EWSR1: variants seen among roughly 807,000 people sequenced by gnomAD.
EWSR1 encodes RNA-binding protein EWS.
A neutral mutation model predicts 92.1 loss-of-function variants in EWSR1; 14 were observed. The ratio of observed to expected loss-of-function variants is 0.15; its 90% CI spans 0.10 to 0.24. EWSR1 has a LOEUF of 0.24. Among genes scored for constraint, EWSR1 ranks in the 10% least tolerant of loss-of-function variants. The pLI is 1.00. For missense variants in EWSR1, 637 were observed against 870.9 expected, an observed-to-expected ratio of 0.73 and a Z score of 3.38; for synonymous variants, 303 against 292.9, an observed-to-expected ratio of 1.03 and a Z score of -0.35.
chr22:29,278,315 G>A (rs1256179276), intron 5 of EWSR1, 99 bp downstream of exon 5: 5 of 1,219,168 alleles, frequency 4.1e-6, no homozygotes, highest in Non-Finnish European at 5.7e-6. Flanking sequence ...CCTTATTAGT[G>A]GTTGCTTTCA....
chr22:29,278,601 G>A (rs1307464769), intron 5 of EWSR1, among the ~76,000 whole-genome samples: 2 of 152,122 alleles, frequency 1.3e-5, no homozygotes, highest in Admixed American at 6.5e-5. Context: ...GAGGCAGGGG[G>A]ATCACAAGGT....
At position 29,300,494 on chromosome 22, in the gene EWSR1, T is replaced by A. The variant is rs551900901; in HGVS notation, c.*333T>A. ...GGTTGTGATGTTTTTTTTTTTTTTTTAAATAAAATTCCAAATGTTTATAAA... is the reference window on the plus strand; with the variant it reads ...GGTTGTGATGTTTTTTTTTTTTTTTAAAATAAAATTCCAAATGTTTATAAA... On this transcript the variant is annotated 3_prime_UTR_variant, in exon 17 of 17. Coordinates refer to ENST00000397938, the MANE Select transcript of EWSR1 (RefSeq NM_005243.4). 1,231 of 236,244 alleles carry A rather than the reference T, an allele frequency of 5.2e-3. 12 individuals carry two copies. The highest frequency in any genetic ancestry group is 0.025 in the African/African-American group (1,110 of 44,354). The allele number at this position is 236,244 out of a possible 1,614,324, so 14.6% of individuals were successfully genotyped here. A position where few individuals can be genotyped will look rare whatever the true frequency, so the allele number is the denominator to read the frequency against.
intron 6 of EWSR1, among the ~76,000 whole-genome samples, chr22:29,283,854 G>C (rs1390508534): frequency 6.7e-6 from 1 of 149,786 alleles, no homozygotes; most frequent in Non-Finnish European, 1.5e-5. Context: ...TTTGTTTTGA[G>C]ATGGAGTTTT....
intron 5 of EWSR1, among the ~76,000 whole-genome samples, chr22:29,281,720 A>G (rs1169731179): frequency 6.6e-6 from 1 of 151,818 alleles, no homozygotes; most frequent in Non-Finnish European, 1.5e-5. Context: ...AGCTGGGACT[A>G]CAGGCGCCCA....
chr22:29,300,347 T>G lies in EWSR1; in HGVS notation c.*186T>G, dbSNP rs1273111384. 23 of 557,222 alleles carry G rather than the reference T, an allele frequency of 4.1e-5. 1 individual carries two copies. The highest frequency in any genetic ancestry group is 7.1e-5 in the Non-Finnish European group (23 of 325,142). 34.5% of individuals were successfully genotyped at this position (557,222 alleles called of 1,614,324 possible). On this transcript the variant is annotated 3_prime_UTR_variant, in exon 17 of 17. Transcript: ENST00000397938. ...ACAAGTTAAATGGTAGTGTGCGGAG[T>G]TTTTTTTTCTTCCTTCTTTTAAAAA... is the stretch of plus-strand genomic sequence containing the variant.
At position 29,282,545 on chromosome 22, in the gene EWSR1, A is replaced by T. The variant is rs139780199; in HGVS notation, c.569A>T (p.Tyr190Phe). The T allele has an allele frequency of 4.8e-4, 729 of 1,517,728 alleles. No individual in the cohort carries two copies. The highest frequency in any genetic ancestry group is 7.3e-4 in the South Asian group (55 of 75,238). 94.0% of individuals were successfully genotyped at this position (1,517,728 alleles called of 1,614,324 possible). ...PMQPVTAPPSYPPTSYSSTQP... is the reference protein window; with the variant it reads ...PMQPVTAPPSFPPTSYSSTQP... Reference sequence around the variant, plus strand: ...CAGCCAGTCACTGCACCTCCATCCTACCCTCCTACCAGGTCAGTCTACTTT... The same window carrying T: ...CAGCCAGTCACTGCACCTCCATCCTTCCCTCCTACCAGGTCAGTCTACTTT... The change falls in exon 6 of 17, where the codon TAC (tyrosine) becomes TTC (phenylalanine). Residue 190 changes from tyrosine to phenylalanine, a missense_variant. Around this residue, in one of 5 missense-constraint regions of EWSR1, gnomAD observed 116 missense variants for 167.8 expected, o/e 0.69. Transcript: ENST00000397938.
rs751539053 is a variant in EWSR1 at position 29,288,587 on chromosome 22, G to A, written c.794-19G>A. Reference sequence around the variant, plus strand: ...TGTAAATGCTGGTCCATGGCTTACAGATGTGACTCTTTCCTCAGGTTCATT... The same window carrying A: ...TGTAAATGCTGGTCCATGGCTTACAAATGTGACTCTTTCCTCAGGTTCATT... On this transcript the variant is annotated intron_variant, in intron 7 of 16. Transcript: ENST00000397938. The A allele has an allele frequency of 6.2e-7, 1 of 1,602,368 alleles. No individual in the cohort carries two copies. Among genetic ancestry groups the A allele is most frequent in the Non-Finnish European group, 8.5e-7 (1 of 1,174,740 alleles).
intron 9 of EWSR1, 65 bp downstream of exon 9, chr22:29,291,664 A>G (rs1272182259): frequency 2.8e-5 from 41 of 1,460,268 alleles, no homozygotes; most frequent in South Asian, 5.0e-5. Context: ...TTAGAAAACT[A>G]TAATTTTTTT....
chr22:29,269,462 A>C (rs1349104024), intron 1 of EWSR1: 1 of 152,218 alleles, frequency 6.6e-6, no homozygotes, highest in South Asian at 2.1e-4. Context: ...CTGTGGGTAC[A>C]CTAACCCGCG....
At chr22:29,279,664 C>G (rs1467973062) in intron 5 of EWSR1, among the ~76,000 whole-genome samples, 1 of 152,246 alleles carries the variant, frequency 6.6e-6, no homozygotes, top group East Asian at 1.9e-4. Context: ...CTAGATATAT[C>G]TGCTCTAGAG....
At chr22:29,293,901 C>T (rs762239221) in intron 11 of EWSR1, among the ~76,000 whole-genome samples, 9 of 152,040 alleles carry the variant, frequency 5.9e-5, no homozygotes, top group Non-Finnish European at 1.0e-4. Flanking sequence ...TACTTTGAGA[C>T]AGAGTCTCAC....
chr22:29,287,312 A>G (rs773963863), intron 7 of EWSR1, among the ~76,000 whole-genome samples, 178 bp downstream of exon 7: 11 of 152,056 alleles, frequency 7.2e-5, no homozygotes, highest in African/African-American at 1.2e-4. Context: ...GGTTCAAGCA[A>G]TTCTCCTGCC....
Position 29,292,186 on chromosome 22 carries a change from G to T in EWSR1, c.1045+17G>T. On this transcript the variant is annotated intron_variant, in intron 10 of 16. Transcript: ENST00000397938. ...TTGATCTAGGTAATTTTGAATTCTAGTTGTGCTTCATATCGTGCTTTGTAA... is the reference window on the plus strand; with the variant it reads ...TTGATCTAGGTAATTTTGAATTCTATTTGTGCTTCATATCGTGCTTTGTAA... The T allele has an allele frequency of 6.2e-7, 1 of 1,613,016 alleles. No individual in the cohort carries two copies. The highest frequency in any genetic ancestry group is 8.5e-7 in the Non-Finnish European group (1 of 1,178,968).
At chr22:29,284,567 CAGTG>C (rs1485381404) in intron 6 of EWSR1, among the ~76,000 whole-genome samples, 1 of 151,078 alleles carries the variant, frequency 6.6e-6, no homozygotes, top group Non-Finnish European at 1.5e-5. Context: ...GATAGGTACA[CAGTG>C]AGAGATTATT....
At chr22:29,272,739 C>T (rs2058779477) in intron 3 of EWSR1, among the ~76,000 whole-genome samples, 2 of 152,182 alleles carry the variant, frequency 1.3e-5, no homozygotes. Flanking sequence ...CATAGCAATT[C>T]TGCAAAGGAA....
Position 29,297,858 on chromosome 22 carries a change from C to A in EWSR1, c.1326C>A (p.Val442=), listed in dbSNP as rs763891431. The A allele has an allele frequency of 6.2e-7, 1 of 1,614,032 alleles. No homozygotes were observed. The highest frequency in any genetic ancestry group is 1.7e-5 in the Admixed American group (1 of 60,010). ...ATTTTCAAGGGAGCAAACTTAAAGT[C>A]TCCCTTGCTCGGAAGAAGCCTCCAA... ...GKDFQGSKLK[V]SLARKKPPMN... The change falls in exon 13 of 17, where the codon GTC becomes GTA. Residue 442 remains valine (V), a synonymous_variant. Coordinates refer to ENST00000397938, the MANE Select transcript of EWSR1 (RefSeq NM_005243.4).
intron 4 of EWSR1, chr22:29,276,188 G>T (rs1019663063): frequency 8.7e-6 from 2 of 230,496 alleles, no homozygotes; most frequent in East Asian, 6.2e-5. Flanking sequence ...ATGTAGTGGG[G>T]TGTAATCGGT....
chr22:29,280,851 G>C (rs2059514574), intron 5 of EWSR1, among the ~76,000 whole-genome samples: 1 of 126,200 alleles, frequency 7.9e-6, no homozygotes, highest in Admixed American at 9.0e-5. Flanking sequence ...TTTTGTGTGT[G>C]TGTGTGTGTT....
At chr22:29,298,712 T>C in intron 13 of EWSR1, 21 bp from the exon 14 acceptor site, 1 of 1,611,484 alleles carries the variant, frequency 6.2e-7, no homozygotes, top group Non-Finnish European at 8.5e-7. Context: ...GATTTGCTGT[T>C]TCTTGTTGTT....
Sources: allele counts gnomAD v4.1 joint callset (sites outside exome capture counted in the v4.1 genomes callset), GRCh38; gene constraint gnomAD v4.1.1; regional missense constraint gnomAD v4.1.1; transcripts MANE v1.5; gene names NCBI Gene and HGNC (gene_info 2026-07-23, HGNC 2026-07-21).